Variants in RAP1GAP2 observed in about 807,000 individuals in gnomAD.
The protein encoded by RAP1GAP2 is rap1 GTPase-activating protein 2.
A neutral mutation model predicts 95.0 loss-of-function variants in RAP1GAP2; 27 were observed. That is an observed-to-expected ratio of 0.28 (90% CI 0.21 to 0.39). RAP1GAP2 has a LOEUF of 0.39. RAP1GAP2 is among the 10% of genes least tolerant of loss of function. The pLI is 1.00. For missense variants in RAP1GAP2, 771 were observed against 970.0 expected (o/e 0.79, Z 2.72); for synonymous variants, 373 against 380.9 (o/e 0.98, Z 0.24).
At chr17:2,964,246 C>CT (rs1248532902) in intron 7 of RAP1GAP2, among the ~76,000 whole-genome samples, 178 bp downstream of exon 7, 2 of 89,372 alleles carry the variant, frequency 2.2e-5, no homozygotes, top group Admixed American at 1.2e-4. Flanking sequence ...GAGGAGCTGC[C>CT]GGGGATGGGG....
intron 2 of RAP1GAP2, among the ~76,000 whole-genome samples, chr17:2,895,973 G>A (rs1367501433): frequency 2.6e-5 from 4 of 151,874 alleles, no homozygotes; most frequent in South Asian, 2.1e-4. Context: ...TGCTGGTCAC[G>A]TTCCTCTGCG....
At chr17:2,792,675 C>T (rs370090943), upstream of RAP1GAP2, among the ~76,000 whole-genome samples, 16 of 152,362 alleles carry the variant, frequency 1.1e-4, no homozygotes, top group East Asian at 1.7e-3. Flanking sequence ...TCTGCAGGGC[C>T]GGCAGCCGGG....
At position 2,940,769 on chromosome 17, in the gene RAP1GAP2, A is replaced by G. The variant is rs568169667; in HGVS notation, c.166-16990A>G. 1.9e-3 allele frequency among the ~76,000 whole-genome samples: 288 copies of G among 152,202 alleles called. 2 individuals are homozygous for G. The highest frequency in any genetic ancestry group is 0.011 in the South Asian group (55 of 4,822). On this transcript the variant is annotated intron_variant, in intron 3 of 24. Transcript: ENST00000254695. ...CGGACTTGGCCAGGTGGGGACTGTG[A>G]GGCTCTTCGTCTTTCCCCTGCCTGC... is the stretch of plus-strand genomic sequence containing the variant.
chr17:2,802,778 C>T (rs2069359010), intron 2 of RAP1GAP2, among the ~76,000 whole-genome samples: 1 of 152,106 alleles, frequency 6.6e-6, no homozygotes, highest in Non-Finnish European at 1.5e-5. Context: ...GAGGTGGCCT[C>T]TAAAGTAGCT....
In RAP1GAP2 at chr17:3,003,442, G is replaced by A. The variant is rs888372316; in HGVS notation, c.1201-1927G>A. Among the ~76,000 whole-genome samples the A allele has an allele frequency of 2.6e-5, 4 of 152,124 alleles. No individual in the cohort carries two copies. The highest frequency in any genetic ancestry group is 2.9e-5 in the Non-Finnish European group (2 of 68,010). ...GGAATCTCAGGTGAAGCCCACCGCC[G>A]GGGAGGGCCCTGTCTTTGTAGCCCC... On this transcript the variant is annotated intron_variant, in intron 14 of 24. Coordinates refer to ENST00000254695, the MANE Select transcript of RAP1GAP2 (RefSeq NM_015085.5). This position sits in a 1 kb window ranked among gnomAD's most constrained non-coding sequence, Gnocchi z 4.1.
At chr17:2,786,089 C>T (rs989890117) in intron 1 of RAP1GAP2, among the ~76,000 whole-genome samples, 3 of 151,900 alleles carry the variant, frequency 2.0e-5, no homozygotes, top group East Asian at 1.9e-4. Context: ...TTAGGAGAGA[C>T]GGGGTTTCAC....
chr17:2,989,096 A>AC (rs55843562), intron 11 of RAP1GAP2, among the ~76,000 whole-genome samples: 555 of 53,450 alleles, frequency 0.01, 2 homozygotes, highest in African/African-American at 0.057. Flanking sequence ...ACAAAACAAA[A>AC]AAAAAACTGC....
intron 17 of RAP1GAP2, among the ~76,000 whole-genome samples, chr17:3,014,755 C>T (rs188441349): frequency 6.6e-6 from 1 of 152,282 alleles, no homozygotes; most frequent in Admixed American, 6.5e-5. Flanking sequence ...TGGGGTTTCA[C>T]CATGTTGGCC....
intron 8 of RAP1GAP2, among the ~76,000 whole-genome samples, chr17:2,969,815 AT>A (rs746351857): frequency 8.6e-5 from 13 of 151,800 alleles, no homozygotes; most frequent in Non-Finnish European, 1.3e-4. Flanking sequence ...AAATATATAT[AT>A]TCTTATTTCC....
intron 2 of RAP1GAP2, among the ~76,000 whole-genome samples, chr17:2,852,677 G>A (rs2151596935): frequency 6.6e-6 from 1 of 152,348 alleles, no homozygotes; most frequent in Admixed American, 6.5e-5. Flanking sequence ...GGACTAATTG[G>A]CTTGTTCTAA....
chr17:2,883,162 T>C lies in RAP1GAP2; in HGVS notation c.81-22122T>C, dbSNP rs922363934. Among the ~76,000 whole-genome samples, 5 of 152,254 alleles carry C rather than the reference T, an allele frequency of 3.3e-5. No homozygotes were observed. The South Asian group carries it at 1.0e-3, about 32-fold the overall frequency. ...GCTCCACAGCCCCCAGGAGACCACG[T>C]GGGTGGTGCTGGGGAGCTGGAGAGG... On this transcript the variant is annotated intron_variant, in intron 2 of 24. Transcript: ENST00000254695.
At chr17:2,916,378 C>T (rs143774031) in intron 3 of RAP1GAP2, among the ~76,000 whole-genome samples, 7 of 152,250 alleles carry the variant, frequency 4.6e-5, no homozygotes, top group Non-Finnish European at 8.8e-5. Context: ...AACAAAGCAC[C>T]GTAGGCAGCC....
chr17:2,977,554 G>C (rs2045176770), intron 8 of RAP1GAP2, among the ~76,000 whole-genome samples: 1 of 152,000 alleles, frequency 6.6e-6, no homozygotes, highest in African/African-American at 2.4e-5. Context: ...AGACCAGCCT[G>C]GCCAACATGG....
intron 7 of RAP1GAP2, among the ~76,000 whole-genome samples, 200 bp downstream of exon 7, chr17:2,964,268 G>A (rs1397282772): frequency 3.1e-5 from 3 of 98,180 alleles, no homozygotes; most frequent in Non-Finnish European, 6.3e-5. Context: ...TGAGGCTGGG[G>A]GAGGCTGTGG....
At chr17:2,947,909 C>G (rs999156353) in intron 3 of RAP1GAP2, among the ~76,000 whole-genome samples, 2 of 152,172 alleles carry the variant, frequency 1.3e-5, no homozygotes, top group African/African-American at 4.8e-5. Context: ...GCTTCTCCCC[C>G]CAGCACTTTC....
At chr17:3,014,857 G>T (rs1401917467) in intron 17 of RAP1GAP2, among the ~76,000 whole-genome samples, 1 of 152,098 alleles carries the variant, frequency 6.6e-6, no homozygotes, top group African/African-American at 2.4e-5. Context: ...GCCCCTGGCC[G>T]AGATGCTGAG....
Position 2,984,980 on chromosome 17 carries a change from C to T in RAP1GAP2, c.730-3C>T. 1.2e-6 allele frequency: 2 copies of T among 1,603,868 alleles called. No individual in the cohort carries two copies. The highest frequency in any genetic ancestry group is 1.7e-6 in the Non-Finnish European group (2 of 1,176,692). On this transcript the variant is annotated splice_region_variant and splice_polypyrimidine_tract_variant and intron_variant, in intron 10 of 24. Coordinates refer to ENST00000254695, the MANE Select transcript of RAP1GAP2 (RefSeq NM_015085.5). Reference sequence around the variant, plus strand: ...ATTTTTTTTTTCTTGCCACATTTTCCAGGCCTCCCAAATGATTGTGTCCTA... The same window carrying T: ...ATTTTTTTTTTCTTGCCACATTTTCTAGGCCTCCCAAATGATTGTGTCCTA...
rs574486129 is a variant in RAP1GAP2 at position 3,033,949 on chromosome 17, C to T, written c.*588C>T. On this transcript the variant is annotated 3_prime_UTR_variant, in exon 25 of 25. Transcript: ENST00000254695. The surrounding 1 kb of genome is among the most constrained non-coding windows in gnomAD (Gnocchi z 4.9). ...AGCTCTGGAGCTCTAAACCGTCTAT[C>T]TGCTTCTGTGCTGAACGCCTTTCCC... is the stretch of plus-strand genomic sequence containing the variant. 6.6e-6 allele frequency: 1 copy of T among 152,542 alleles called. No individual in the cohort carries two copies. Among genetic ancestry groups the T allele is most frequent in the African/African-American group, 2.4e-5 (1 of 41,596 alleles). The allele number at this position is 152,542 out of a possible 1,614,324, so 9.4% of individuals were successfully genotyped here. A position where few individuals can be genotyped will look rare whatever the true frequency, so the allele number is the denominator to read the frequency against.
chr17:2,998,385 A>G lies in RAP1GAP2; in HGVS notation c.1200+9A>G, dbSNP rs371406212. The G allele has an allele frequency of 1.9e-5, 30 of 1,613,114 alleles. No individual in the cohort carries two copies. The African/African-American group carries it at 2.9e-4, about 16-fold the overall frequency. On this transcript the variant is annotated intron_variant, in intron 14 of 24. Coordinates refer to ENST00000254695, the MANE Select transcript of RAP1GAP2 (RefSeq NM_015085.5). ...AGACCCCATCCTACAAGGTAAGGAG[A>G]ACGCCTTGTTGGAGGGAGTGGTGGG...
Sources: gnomAD v4.1 joint callset for allele counts (sites outside exome capture counted in the v4.1 genomes callset) on GRCh38, gnomAD v4.1.1 for gene constraint, Gnocchi (gnomAD v3.1) non-coding constraint, MANE v1.5 for transcripts, NCBI Gene and HGNC (gene_info 2026-07-23, HGNC 2026-07-21) for gene names.